TINAG: variants seen among roughly 807,000 people sequenced by gnomAD.
The protein encoded by TINAG is tubulointerstitial nephritis antigen.
TINAG carries 83 observed loss-of-function variants against 72.7 expected under a neutral mutation model. That is an observed-to-expected ratio of 1.14 (90% confidence interval 0.96 to 1.37). TINAG has a LOEUF of 1.37. Ranked by LOEUF, TINAG falls within the 40% of genes most tolerant of loss-of-function variation. The pLI is 0.00. For synonymous variants in TINAG, 234 were observed against 189.9 expected (o/e 1.23, Z -1.91); for missense variants, 685 against 576.6 (o/e 1.19, Z -1.93).
Position 54,350,652 on chromosome 6 carries a change from A to G in TINAG, c.1081-700A>G, listed in dbSNP as rs150768864. ...ATGCAAATGGTTATCAAGCCTTTCC[A>G]TCTAGAATGCCAAGCAAATGTCAAG... On this transcript the variant is annotated intron_variant, in intron 7 of 10. Coordinates refer to ENST00000259782, the MANE Select transcript of TINAG (RefSeq NM_014464.4). Among the ~76,000 whole-genome samples the G allele has an allele frequency of 2.5e-4, 36 of 145,990 alleles. No individual in the cohort carries two copies. In the East Asian group the frequency reaches 6.6e-3, roughly 27 times the overall value.
chr6:54,380,468 C>G, intron 9 of TINAG, 58 bp from the exon 10 acceptor site: 1 of 1,459,706 alleles, frequency 6.9e-7, no homozygotes, highest in Non-Finnish European at 9.5e-7. Context: ...TGCATTCTCT[C>G]AAGAAGCAAA....
At chr6:54,325,970 C>T (rs1025552404) in intron 3 of TINAG, among the ~76,000 whole-genome samples, 2 of 152,094 alleles carry the variant, frequency 1.3e-5, no homozygotes, top group Non-Finnish European at 2.9e-5. Flanking sequence ...TGGTGATAAA[C>T]ATAGCAGGAC....
chr6:54,333,624 A>AT (rs1784795565), intron 4 of TINAG, among the ~76,000 whole-genome samples: 1 of 140,400 alleles, frequency 7.1e-6, no homozygotes, highest in South Asian at 2.2e-4. Context: ...AATAAAAAAA[A>AT]AAAAAATAAA....
intron 5 of TINAG, among the ~76,000 whole-genome samples, chr6:54,346,270 A>G (rs1425226144): frequency 6.6e-6 from 1 of 152,028 alleles, no homozygotes; most frequent in Non-Finnish European, 1.5e-5. Context: ...TTTCTTGTTC[A>G]TCATTGTAAT....
Position 54,389,793 on chromosome 6 carries a change from T to C in TINAG, c.1299T>C (p.Ile433=). The C allele has an allele frequency of 6.3e-7, 1 of 1,577,720 alleles. No individual in the cohort carries two copies. Among genetic ancestry groups the C allele is most frequent in the Non-Finnish European group, 8.6e-7 (1 of 1,167,138 alleles). The change falls in exon 11 of 11, where the codon ATT becomes ATC. Residue 433 remains isoleucine, a splice_region_variant and synonymous_variant. Transcript: ENST00000259782. The part of the protein sequence containing the change: ...GAQGQKEKFW[I]AANSWGKSWG... ...TTTGTTTGTTTGTTTTTCTGCAGAT[T>C]GCTGCCAATTCCTGGGGAAAGTCAT...
intron 9 of TINAG, among the ~76,000 whole-genome samples, chr6:54,373,972 A>G (rs1250464650): frequency 6.6e-6 from 1 of 152,046 alleles, no homozygotes; most frequent in East Asian, 1.9e-4. Context: ...ATTGTTGTAG[A>G]TGTATAGATG....
rs1784616237 is a variant in TINAG, at chr6:54,326,907, T to C, written c.615T>C (p.Asn205=). 6.2e-7 allele frequency: 1 copy of C among 1,613,078 alleles called. No individual in the cohort carries two copies. Among genetic ancestry groups the C allele is most frequent in the Non-Finnish European group, 8.5e-7 (1 of 1,179,788 alleles). Residue 205 remains asparagine, a synonymous_variant, in exon 4 of 11, where the codon AAT becomes AAC. Coordinates refer to ENST00000259782, the MANE Select transcript of TINAG (RefSeq NM_014464.4). ...CTAGTCCCATGCTCCTGAGCATGAA[T>C]GAAATGACAGTAAGTGTTCCTTCTG... is the stretch of plus-strand genomic sequence containing the variant. ...LPPSPMLLSM[N]EMTASLPATT... is the part of the protein sequence containing the mutation.
intron 1 of TINAG, among the ~76,000 whole-genome samples, chr6:54,317,073 G>A (rs1784388673): frequency 6.6e-6 from 1 of 152,020 alleles, no homozygotes; most frequent in Non-Finnish European, 1.5e-5. Flanking sequence ...TACTGAGAAA[G>A]TAAAGCTACC....
At chr6:54,339,297 CT>C (rs1385674301) in intron 4 of TINAG, among the ~76,000 whole-genome samples, 1 of 152,300 alleles carries the variant, frequency 6.6e-6, no homozygotes, top group African/African-American at 2.4e-5. Context: ...CTCTGTGGTG[CT>C]GGATACCCAC....
intron 3 of TINAG, among the ~76,000 whole-genome samples, chr6:54,324,160 C>G (rs1294394118): frequency 6.6e-6 from 1 of 152,074 alleles, no homozygotes; most frequent in African/African-American, 2.4e-5. Flanking sequence ...TATAACAAAC[C>G]ATTCCAGGAT....
chr6:54,364,662 A>G (rs1763351139), intron 9 of TINAG, among the ~76,000 whole-genome samples: 1 of 151,448 alleles, frequency 6.6e-6, no homozygotes, highest in African/African-American at 2.4e-5. Flanking sequence ...ATAATATTTT[A>G]CAGGTTAAGA....
intron 10 of TINAG, among the ~76,000 whole-genome samples, chr6:54,384,046 C>T (rs1764025593): frequency 6.6e-6 from 1 of 152,138 alleles, no homozygotes; most frequent in Non-Finnish European, 1.5e-5. Context: ...AGTTTATGTA[C>T]TTTGCAGGGA....
chr6:54,338,632 G>A (rs973840546), intron 4 of TINAG, among the ~76,000 whole-genome samples: 3 of 148,634 alleles, frequency 2.0e-5, no homozygotes, highest in Non-Finnish European at 3.0e-5. Flanking sequence ...GCTGAGGCAG[G>A]AGAATCATTT....
At chr6:54,341,848 G>T (rs564999379) in intron 4 of TINAG, among the ~76,000 whole-genome samples, 362 of 152,250 alleles carry the variant, frequency 2.4e-3, no homozygotes, top group Middle Eastern at 6.8e-3. Context: ...GAATTTAGAA[G>T]CCTGAGTGTA....
At chr6:54,318,380 T>A (rs754869346) in intron 1 of TINAG, among the ~76,000 whole-genome samples, 8 of 152,172 alleles carry the variant, frequency 5.3e-5, no homozygotes, top group Non-Finnish European at 1.0e-4. Flanking sequence ...CATTTCTTTA[T>A]TACTCAAGCC....
intron 9 of TINAG, among the ~76,000 whole-genome samples, chr6:54,376,241 TTCTA>T (rs1763773551): frequency 2.6e-5 from 4 of 152,190 alleles, no homozygotes; most frequent in African/African-American, 4.8e-5. Context: ...ACTTACAGAA[TTCTA>T]TCTATTTATA....
chr6:54,380,563 A>T lies in TINAG; in HGVS notation c.1288A>T (p.Lys430Ter), dbSNP rs779671020. 4.4e-5 allele frequency: 71 copies of T among 1,610,400 alleles called. No individual in the cohort carries two copies. The highest frequency in any genetic ancestry group is 5.9e-5 in the Non-Finnish European group (70 of 1,177,844). Residue 430 changes from lysine to a stop codon, truncating the protein, a stop_gained, in exon 10 of 11, where the codon AAA becomes TAA. Coordinates refer to ENST00000259782, the MANE Select transcript of TINAG (RefSeq NM_014464.4). LOFTEE classifies it high-confidence loss of function. ...GAGAGGAGCACAAGGGCAGAAAGAA[A>T]AATTTTGGGTATGTAACTCTTTCCA... is the stretch of plus-strand genomic sequence containing the variant. ...TLRGAQGQKE[K>*]FWIAANSWGK... is the part of the protein sequence containing the mutation.
In TINAG at chr6:54,377,962, G is replaced by T. The variant is rs139624186; in HGVS notation, c.1251-2564G>T. On this transcript the variant is annotated intron_variant, in intron 9 of 10. Coordinates refer to ENST00000259782, the MANE Select transcript of TINAG (RefSeq NM_014464.4). ...AATATCATCGGGGAAAGAACCCGCA[G>T]ATCTATTTTTTTTTTACAACATCCC... Among the ~76,000 whole-genome samples, 16 of 152,022 alleles carry T rather than the reference G, an allele frequency of 1.1e-4. No homozygotes were observed. The East Asian group carries it at 3.1e-3, about 29-fold the overall frequency.
chr6:54,364,102 G>T (rs919436500), intron 9 of TINAG, among the ~76,000 whole-genome samples: 2 of 151,404 alleles, frequency 1.3e-5, no homozygotes, highest in African/African-American at 2.4e-5. Flanking sequence ...AGTTAGAAAT[G>T]TGAGGAAAAT....
Sources: gnomAD v4.1 joint callset for allele counts (sites outside exome capture counted in the v4.1 genomes callset) on GRCh38, gnomAD v4.1.1 for gene constraint, MANE v1.5 for transcripts, NCBI Gene and HGNC (gene_info 2026-07-23, HGNC 2026-07-21) for gene names.